The following THNSL1 variants were observed in gnomAD, a reference collection of about 807,000 sequenced individuals.
THNSL1 encodes threonine synthase-like 1.
A neutral mutation model predicts 50.4 loss-of-function variants in THNSL1; 48 were observed. The ratio of observed to expected loss-of-function variants is 0.95; its 90% CI spans 0.76 to 1.21. The LOEUF is 1.21. THNSL1 is among the 50% of genes most tolerant of loss of function. The probability of loss-of-function intolerance (pLI) is 0.00; values close to 1 mark genes in which losing one functional copy is unlikely to be tolerated. For synonymous variants in THNSL1, 309 were observed against 306.1 expected, an observed-to-expected ratio of 1.01 and a Z score of -0.10; for missense variants, 896 against 871.7, an observed-to-expected ratio of 1.03 and a Z score of -0.35.
the THNSL1 span, among the ~76,000 whole-genome samples, chr10:24,988,720 A>G: frequency 7.0e-5 from 4 of 56,888 alleles, no homozygotes; most frequent in Admixed American, 2.4e-4. Context: ...ATATATATAT[A>G]TATATATTCC....
At chr10:24,961,920 T>A in the THNSL1 span, among the ~76,000 whole-genome samples, 11 of 152,218 alleles carry the variant, frequency 7.2e-5, no homozygotes, top group Admixed American at 7.2e-4. Flanking sequence ...TCGTATCTGT[T>A]CAATGGAGAT....
the THNSL1 span, among the ~76,000 whole-genome samples, chr10:24,981,380 A>G: frequency 6.6e-6 from 1 of 152,216 alleles, no homozygotes; most frequent in African/African-American, 2.4e-5. Flanking sequence ...CTTAGGAAGT[A>G]TTGCCAAATT....
the THNSL1 span, among the ~76,000 whole-genome samples, chr10:24,987,038 G>T: frequency 6.6e-6 from 1 of 152,262 alleles, no homozygotes; most frequent in East Asian, 1.9e-4. Context: ...ACCTTGTGGG[G>T]TGCTCCCAGC....
the THNSL1 span, among the ~76,000 whole-genome samples, chr10:24,959,428 A>C: frequency 5.2e-3 from 785 of 152,288 alleles, 6 homozygotes; most frequent in African/African-American, 0.018. Flanking sequence ...TGAGAGTGGG[A>C]GAGATGGAGA....
At chr10:24,984,468 A>C in the THNSL1 span, 3 of 1,377,784 alleles carry the variant, frequency 2.2e-6, no homozygotes, top group Non-Finnish European at 3.0e-6. Context: ...CAAGTACATA[A>C]TAATAATGAA....
chr10:25,004,246 A>G, the THNSL1 span, among the ~76,000 whole-genome samples: 2 of 152,164 alleles, frequency 1.3e-5, no homozygotes, highest in Non-Finnish European at 2.9e-5. Context: ...CTAGGCATGC[A>G]TGTGTCTTTA....
chr10:24,970,849 C>G, the THNSL1 span, among the ~76,000 whole-genome samples: 1 of 152,048 alleles, frequency 6.6e-6, no homozygotes, highest in African/African-American at 2.4e-5. Flanking sequence ...CACGGTGAAA[C>G]CCCATCTCTA....
At chr10:24,967,721 GAT>G in the THNSL1 span, among the ~76,000 whole-genome samples, 168 of 151,734 alleles carry the variant, frequency 1.1e-3, 2 homozygotes, top group Non-Finnish European at 2.1e-3. Context: ...ATACGTGTGT[GAT>G]ATGTGTGTAT....
chr10:25,011,868 A>T (rs1407375368), upstream of THNSL1, among the ~76,000 whole-genome samples: 1 of 152,244 alleles, frequency 6.6e-6, no homozygotes, highest in South Asian at 2.1e-4. Flanking sequence ...GGAGAAGCCA[A>T]ATGTTAATAG....
chr10:25,021,339 T>C (rs1296191817), intron 1 of THNSL1, among the ~76,000 whole-genome samples: 2 of 152,266 alleles, frequency 1.3e-5, no homozygotes. Context: ...TATGAATATA[T>C]AGTGATTTTG....
chr10:25,023,863 G>A lies in THNSL1; in HGVS notation c.640G>A (p.Asp214Asn), dbSNP rs1351279504. The change falls in exon 3 of 3, where the codon GAC (aspartate) becomes AAC (asparagine). Residue 214 changes from aspartate to asparagine, a missense_variant. Physicochemically the swap from Asp to Asn is conservative, Grantham distance 23. Transcript: ENST00000376356. ...ESGASPEEVA[D>N]KVLNAIKRYQ... ...TGGGGCTTCCCCAGAGGAGGTAGCTGACAAAGTGCTGAATGCAATTAAAAG... is the reference window on the plus strand; with the variant it reads ...TGGGGCTTCCCCAGAGGAGGTAGCTAACAAAGTGCTGAATGCAATTAAAAG... The A allele has an allele frequency of 7.4e-6, 12 of 1,614,158 alleles. No individual in the cohort carries two copies. The highest frequency in any genetic ancestry group is 4.0e-5 in the African/African-American group (3 of 75,054).
the THNSL1 span, chr10:24,984,397 A>T: frequency 1.3e-6 from 2 of 1,597,618 alleles, no homozygotes; most frequent in South Asian, 1.1e-5. Flanking sequence ...AAAAAAAAAA[A>T]AGTGAAGTTC....
the THNSL1 span, among the ~76,000 whole-genome samples, chr10:24,988,588 G>T: frequency 2.1e-5 from 3 of 145,336 alleles, no homozygotes; most frequent in East Asian, 6.0e-4. Context: ...AGTTTCATAA[G>T]GTTCCAATGC....
chr10:25,020,250 C>CTA (rs1554772141), intron 1 of THNSL1, among the ~76,000 whole-genome samples: 7 of 133,756 alleles, frequency 5.2e-5, no homozygotes, highest in South Asian at 2.7e-4. Flanking sequence ...ATATCTATAT[C>CTA]TATATCTATA....
At chr10:24,980,080 A>G in the THNSL1 span, among the ~76,000 whole-genome samples, 2 of 152,196 alleles carry the variant, frequency 1.3e-5, no homozygotes, top group African/African-American at 4.8e-5. Context: ...CCACTAACTA[A>G]TCTCCCCATG....
chr10:25,005,907 T>C, the THNSL1 span, among the ~76,000 whole-genome samples: 35 of 152,368 alleles, frequency 2.3e-4, no homozygotes, highest in Non-Finnish European at 1.3e-4. Context: ...TGTATTCATC[T>C]ACATCTGTGC....
At position 25,024,218 on chromosome 10, in the gene THNSL1, A is replaced by C; in HGVS notation, c.995A>C (p.His332Pro). 6.2e-7 allele frequency: 1 copy of C among 1,614,168 alleles called. No homozygotes were observed. Reference protein sequence around the residue: ...FACSKIAPVRHLSGNQFILEL... With the variant: ...FACSKIAPVRPLSGNQFILEL... Reference sequence around the variant, plus strand: ...TGCTCAAAAATTGCTCCTGTCAGGCACCTTTCAGGCAACCAGTTCATCCTG... The same window carrying C: ...TGCTCAAAAATTGCTCCTGTCAGGCCCCTTTCAGGCAACCAGTTCATCCTG... Residue 332 changes from histidine (H) to proline (P), a missense_variant, in exon 3 of 3, where the codon CAC becomes CCC. Transcript: ENST00000376356.
At chr10:24,991,670 C>G in the THNSL1 span, among the ~76,000 whole-genome samples, 1 of 152,196 alleles carries the variant, frequency 6.6e-6, no homozygotes, top group Admixed American at 6.5e-5. Context: ...GAAGCTACTT[C>G]CACTCAATAA....
the THNSL1 span, chr10:24,984,742 G>A: frequency 6.2e-7 from 1 of 1,604,832 alleles, no homozygotes; most frequent in South Asian, 1.1e-5. Context: ...TTACTTATTG[G>A]CAATATAAAT....
Sources: gnomAD v4.1 joint callset for allele counts (sites outside exome capture counted in the v4.1 genomes callset) on GRCh38, gnomAD v4.1.1 for gene constraint, MANE v1.5 for transcripts, NCBI Gene and HGNC (gene_info 2026-07-23, HGNC 2026-07-21) for gene names.